Variants in ENOX2 observed in about 807,000 individuals in gnomAD.
ENOX2 encodes ecto-NOX disulfide-thiol exchanger 2, also known as APK1 antigen.
Under a neutral mutation model 45.0 loss-of-function variants are expected in ENOX2, and 36 were observed. The observed-to-expected ratio is 0.80, with a 90% CI of 0.61 to 1.06. ENOX2 has a LOEUF of 1.06. ENOX2 is among the 50% of genes least tolerant of loss of function. ENOX2 has a pLI of 0.00. For synonymous variants in ENOX2, 174 were observed against 152.3 expected, an observed-to-expected ratio of 1.14 and a Z score of -1.05; for missense variants, 423 against 462.5, an observed-to-expected ratio of 0.91 and a Z score of 0.78.
intron 2 of ENOX2, among the ~76,000 whole-genome samples, chrX:130,795,703 C>A (rs1438579503): frequency 8.9e-6 from 1 of 112,036 alleles, no homozygotes; most frequent in Non-Finnish European, 1.9e-5. Context: ...GCCAATTCCC[C>A]TAAGTACCCT....
At chrX:130,862,952 T>A (rs1417013698) in intron 2 of ENOX2, among the ~76,000 whole-genome samples, 3 of 111,493 alleles carry the variant, frequency 2.7e-5, no homozygotes, top group Non-Finnish European at 5.7e-5. Flanking sequence ...GTAAAGCAAT[T>A]ATCTACATTT....
intron 2 of ENOX2, among the ~76,000 whole-genome samples, chrX:130,821,053 G>A (rs1490596522): frequency 2.7e-5 from 3 of 111,879 alleles, no homozygotes; most frequent in Non-Finnish European, 5.6e-5. Flanking sequence ...AAAACATCAT[G>A]TCATTAAATA....
intron 3 of ENOX2, among the ~76,000 whole-genome samples, chrX:130,718,579 C>T (rs564498812): frequency 8.9e-6 from 1 of 111,917 alleles, no homozygotes; most frequent in South Asian, 3.8e-4. Context: ...GGTGAGTAAA[C>T]GATGTTGCTG....
chrX:130,726,953 C>T (rs1390997846), intron 3 of ENOX2, among the ~76,000 whole-genome samples: 1 of 112,525 alleles, frequency 8.9e-6, no homozygotes, highest in Non-Finnish European at 1.9e-5. Flanking sequence ...GGTTTGCTCA[C>T]TGGAGCAGCA....
chrX:130,846,658 G>A (rs962089972), intron 2 of ENOX2, among the ~76,000 whole-genome samples: 1 of 112,660 alleles, frequency 8.9e-6, no homozygotes, highest in Non-Finnish European at 1.9e-5. Flanking sequence ...ACAATGCTAA[G>A]CTAACATTGT....
intron 2 of ENOX2, among the ~76,000 whole-genome samples, chrX:130,863,819 CT>C (rs2078447285): frequency 8.9e-6 from 1 of 111,906 alleles, no homozygotes. Context: ...GTTTAGTCTA[CT>C]TTTTTCTATT....
At chrX:130,848,165 TAGA>T (rs1223727836) in intron 2 of ENOX2, among the ~76,000 whole-genome samples, 1 of 112,046 alleles carries the variant, frequency 8.9e-6, no homozygotes, top group African/African-American at 3.2e-5. Context: ...TACATATAGT[TAGA>T]AGATCTTATG....
intron 10 of ENOX2, among the ~76,000 whole-genome samples, chrX:130,656,163 T>C (rs1196654170): frequency 8.9e-6 from 1 of 112,195 alleles, no homozygotes; most frequent in Non-Finnish European, 1.9e-5. Context: ...TTATCTGCAA[T>C]GGTAATTCTC....
intron 2 of ENOX2, among the ~76,000 whole-genome samples, chrX:130,889,159 C>T (rs750888049): frequency 8.9e-6 from 1 of 112,122 alleles, no homozygotes; most frequent in African/African-American, 3.2e-5. Context: ...GGTGGCCACA[C>T]CTGGGGCACT....
In ENOX2 at chrX:130,678,923, G is replaced by A. The variant is rs761647262; in HGVS notation, c.460+619C>T. On this transcript the variant is annotated intron_variant, in intron 6 of 14. Transcript: ENST00000394363. ...TGCCAGGTTATGTGCTAGATGCTGG[G>A]GATTCAATGTTAAATAAGACACAGT... Among the ~76,000 whole-genome samples the A allele has an allele frequency of 1.3e-4, 14 of 111,296 alleles. No homozygotes were observed. The South Asian group carries it at 4.6e-3, about 37-fold the overall frequency.
In ENOX2 at chrX:130,835,986, G is replaced by C. The variant is rs189860167; in HGVS notation, c.-182-52296C>G. On this transcript the variant is annotated intron_variant, in intron 2 of 14. Coordinates refer to ENST00000394363, the MANE Select transcript of ENOX2 (RefSeq NM_006375.4). Reference sequence around the variant, plus strand: ...GATAGCAAATGGAGCTGCCAGCGTAGTCTTTGAACTCTCCTTCACCATCAG... The same window carrying C: ...GATAGCAAATGGAGCTGCCAGCGTACTCTTTGAACTCTCCTTCACCATCAG... 7.3e-4 allele frequency among the ~76,000 whole-genome samples: 82 copies of C among 112,405 alleles called. 2 individuals are homozygous for C. Among genetic ancestry groups the C allele is most frequent in the African/African-American group, 2.5e-3 (78 of 31,034 alleles).
Position 130,885,837 on chromosome X carries a change from T to C in ENOX2, c.-183+15847A>G, listed in dbSNP as rs1301301853. 6.2e-5 allele frequency among the ~76,000 whole-genome samples: 7 copies of C among 112,496 alleles called. No individual in the cohort carries two copies. In the East Asian group the frequency reaches 8.3e-4, roughly 13 times the overall value. ...CAAAGCAATATTTTCCATGTAAATC[T>C]ATTTAATTTTATAGTGGAGAAAATA... On this transcript the variant is annotated intron_variant, in intron 2 of 14. Coordinates refer to ENST00000394363, the MANE Select transcript of ENOX2 (RefSeq NM_006375.4).
chrX:130,658,144 G>A (rs1354551131), intron 9 of ENOX2, among the ~76,000 whole-genome samples: 3 of 111,836 alleles, frequency 2.7e-5, no homozygotes, highest in Non-Finnish European at 5.6e-5. Context: ...TTCATTATGA[G>A]CATATTTCTT....
rs368723498 is a variant in ENOX2 at position 130,890,417 on chromosome X, A to AT, written c.-183+11266dup. 4.4e-3 allele frequency among the ~76,000 whole-genome samples: 494 copies of AT among 111,744 alleles called. 2 individuals are homozygous for AT. Among genetic ancestry groups the AT allele is most frequent in the African/African-American group, 0.015 (469 of 30,716 alleles). On this transcript the variant is annotated intron_variant, in intron 2 of 14. Coordinates refer to ENST00000394363, the MANE Select transcript of ENOX2 (RefSeq NM_006375.4). ...CGGCAGCCGTCACCAAGCCTGACTG[A>AT]TTTTTTTCAAATGAATTTCCATCAC...
At chrX:130,635,558 C>A (rs954582402) in intron 11 of ENOX2, among the ~76,000 whole-genome samples, 3 of 112,133 alleles carry the variant, frequency 2.7e-5, no homozygotes, top group Non-Finnish European at 5.6e-5. Flanking sequence ...CTATATTTAG[C>A]ATTATTAATA....
intron 2 of ENOX2, among the ~76,000 whole-genome samples, chrX:130,825,508 T>C (rs1398115084): frequency 9.8e-5 from 11 of 112,031 alleles, no homozygotes; most frequent in African/African-American, 3.6e-4. Context: ...TTGGTAAATC[T>C]GTATGGTGAG....
intron 11 of ENOX2, among the ~76,000 whole-genome samples, chrX:130,635,506 T>C (rs1409980610): frequency 4.5e-5 from 5 of 112,175 alleles, no homozygotes; most frequent in Non-Finnish European, 7.5e-5. Context: ...TAGTAAATAA[T>C]CCAAATTTTA....
At chrX:130,634,851 G>A in intron 12 of ENOX2, 133 bp downstream of exon 12, 1 of 432,268 alleles carries the variant, frequency 2.3e-6, no homozygotes, top group East Asian at 3.9e-5. Flanking sequence ...CCCCCGAGAG[G>A]GGCTTTTAAT....
At chrX:130,696,650 C>G (rs2037770332) in intron 4 of ENOX2, among the ~76,000 whole-genome samples, 1 of 111,862 alleles carries the variant, frequency 8.9e-6, no homozygotes, top group Non-Finnish European at 1.9e-5. Flanking sequence ...CTGGCCTACA[C>G]ACCAGTGTTT....
Sources: allele counts gnomAD v4.1 joint callset (sites outside exome capture counted in the v4.1 genomes callset), GRCh38; gene constraint gnomAD v4.1.1; transcripts MANE v1.5; gene names NCBI Gene and HGNC (gene_info 2026-07-23, HGNC 2026-07-21).